Variants in GSTA2 observed in about 807,000 individuals in gnomAD.
GSTA2 encodes glutathione S-transferase A2.
GSTA2 carries 27 observed loss-of-function variants against 22.4 expected under a neutral mutation model. The observed-to-expected ratio is 1.21, with a 90% CI of 0.89 to 1.67. The LOEUF (loss-of-function observed/expected upper bound fraction) is 1.67, where lower values mean the gene tolerates loss of function less well. Ranked by LOEUF, GSTA2 falls within the 40% of genes most tolerant of loss-of-function variation. The pLI is 0.00. For missense variants in GSTA2, 302 were observed against 260.2 expected (o/e 1.16, Z -1.11); for synonymous variants, 121 against 86.8 (o/e 1.39, Z -2.19).
chr6:52,761,759 A>C (rs1305363592), intron 1 of GSTA2, among the ~76,000 whole-genome samples: 1 of 150,492 alleles, frequency 6.6e-6, no homozygotes, highest in Non-Finnish European at 1.5e-5. Flanking sequence ...CAAGGTCTAG[A>C]GACATTTTGG....
At chr6:52,760,495 T>C (rs34728469) in intron 1 of GSTA2, among the ~76,000 whole-genome samples, 1,981 of 152,268 alleles carry the variant, frequency 0.013, 42 homozygotes, top group African/African-American at 0.045. Context: ...GTTTACCTTC[T>C]GCAACAACCC....
chr6:52,759,973 T>C (rs1266731906), intron 1 of GSTA2, among the ~76,000 whole-genome samples: 2 of 152,224 alleles, frequency 1.3e-5, no homozygotes, highest in Non-Finnish European at 2.9e-5. Flanking sequence ...TGGGAGTCAA[T>C]AGTTTAACCT....
Position 52,757,863 on chromosome 6 carries a change from C to G in GSTA2, c.85G>C (p.Glu29Gln). ...AGATGACCTAACTCAGAACCTACCTCTACTCCAGCTGCAGCCAGGAGCCAC... is the reference window on the plus strand; with the variant it reads ...AGATGACCTAACTCAGAACCTACCTGTACTCCAGCTGCAGCCAGGAGCCAC... ...IRWLLAAAGV[E>Q]FEEKFIKSAE... The change falls in exon 2 of 7, where the codon GAG becomes CAG. Residue 29 changes from glutamate (E) to glutamine (Q), a missense_variant and splice_region_variant. Transcript: ENST00000493422. 1 of 1,612,686 alleles carries G rather than the reference C, an allele frequency of 6.2e-7. No homozygotes were observed. The highest frequency in any genetic ancestry group is 8.5e-7 in the Non-Finnish European group (1 of 1,178,752).
chr6:52,752,855 T>G lies in GSTA2; in HGVS notation c.413A>C (p.Lys138Thr). 1 of 1,613,826 alleles carries G rather than the reference T, an allele frequency of 6.2e-7. No homozygotes were observed. Among genetic ancestry groups the G allele is most frequent in the South Asian group, 1.1e-5 (1 of 91,078 alleles). The change falls in exon 5 of 7, where the codon AAA (lysine) becomes ACA (threonine). Residue 138 changes from lysine (K) to threonine (T), a missense_variant and splice_region_variant. Lys to Thr is a moderately conservative substitution (Grantham distance 78). Coordinates refer to ENST00000493422, the MANE Select transcript of GSTA2 (RefSeq NM_000846.5). ...AAAACACTGAACAGCTTCACTTACTTTTTCAAAGGCAGGGAAGTAGCGATT... is the reference window on the plus strand; with the variant it reads ...AAAACACTGAACAGCTTCACTTACTGTTTCAAAGGCAGGGAAGTAGCGATT... ...TKNRYFPAFE[K>T]VLKSHGQDYL...
chr6:52,762,867 AAC>A (rs1762975107), intron 1 of GSTA2, among the ~76,000 whole-genome samples: 1 of 152,202 alleles, frequency 6.6e-6, no homozygotes, highest in African/African-American at 2.4e-5. Flanking sequence ...AGTTCGCAGC[AAC>A]AGTCAGAGCC....
chr6:52,758,855 C>A (rs1234218703), intron 1 of GSTA2, among the ~76,000 whole-genome samples: 2 of 152,184 alleles, frequency 1.3e-5, no homozygotes, highest in Non-Finnish European at 2.9e-5. Flanking sequence ...GATCATTCTT[C>A]TAAACTTCTC....
chr6:52,755,514 A>C (rs1762824361), intron 3 of GSTA2, among the ~76,000 whole-genome samples: 1 of 152,164 alleles, frequency 6.6e-6, no homozygotes, highest in Admixed American at 6.5e-5. Flanking sequence ...CCCAGTCCAA[A>C]CAATATGTTT....
chr6:52,760,543 A>G (rs1324477714), intron 1 of GSTA2, among the ~76,000 whole-genome samples: 1 of 152,196 alleles, frequency 6.6e-6, no homozygotes, highest in East Asian at 1.9e-4. Context: ...AAAGATGGGT[A>G]CACTGAATTT....
chr6:52,750,676 G>T lies in GSTA2; in HGVS notation c.570C>A (p.Asn190Lys). 1 of 1,613,022 alleles carries T rather than the reference G, an allele frequency of 6.2e-7. No homozygotes were observed. Among genetic ancestry groups the T allele is most frequent in the Non-Finnish European group, 8.5e-7 (1 of 1,179,808 alleles). ...GTAGAAACTTCTTCACTGTGGGCAG[G>T]TTACTGATTCTGGTTTTCAGGGCCT... is the stretch of plus-strand genomic sequence containing the variant. ...LLKALKTRIS[N>K]LPTVKKFLQP... Residue 190 changes from asparagine (N) to lysine (K), a missense_variant, in exon 7 of 7, where the codon AAC (asparagine) becomes AAA (lysine). Coordinates refer to ENST00000493422, the MANE Select transcript of GSTA2 (RefSeq NM_000846.5).
intron 1 of GSTA2, among the ~76,000 whole-genome samples, chr6:52,761,052 A>G (rs1762942001): frequency 1.3e-5 from 2 of 152,208 alleles, no homozygotes; most frequent in Non-Finnish European, 2.9e-5. Context: ...GACTCCTTCC[A>G]TTATGAGATT....
In GSTA2 at chr6:52,757,953, C is replaced by A. The variant is rs751630345; in HGVS notation, c.-6G>T. The A allele has an allele frequency of 9.3e-6, 15 of 1,607,366 alleles. No individual in the cohort carries two copies. The highest frequency in any genetic ancestry group is 1.1e-5 in the Non-Finnish European group (13 of 1,174,096). On this transcript the variant is annotated 5_prime_UTR_variant, in exon 2 of 7. Coordinates refer to ENST00000493422, the MANE Select transcript of GSTA2 (RefSeq NM_000846.5). ...AGCTTGGGCTTCTCTGCCATGGTAG[C>A]AGTCTCCTGGAGGTTTCTCTAAGCC...
intron 1 of GSTA2, among the ~76,000 whole-genome samples, chr6:52,762,729 T>G (rs1762972909): frequency 6.6e-6 from 1 of 152,202 alleles, no homozygotes; most frequent in African/African-American, 2.4e-5. Flanking sequence ...TGTGTCTCTT[T>G]CTTTTCTCAG....
intron 4 of GSTA2, among the ~76,000 whole-genome samples, chr6:52,753,834 C>T (rs531912386): frequency 2.6e-5 from 4 of 152,286 alleles, no homozygotes; most frequent in African/African-American, 7.2e-5. Flanking sequence ...TTTTTGTCAC[C>T]TTGATAAGGA....
At chr6:52,750,750 A>T (rs1463620330) in intron 6 of GSTA2, 51 bp from the exon 7 acceptor site, 1 of 1,600,128 alleles carries the variant, frequency 6.2e-7, no homozygotes, top group Non-Finnish European at 8.5e-7. Context: ...AAGGGCTGAC[A>T]CCCCCATTAA....
chr6:52,753,647 C>CA (rs11433269), intron 4 of GSTA2, among the ~76,000 whole-genome samples: 151,952 of 152,354 alleles, frequency 1, 75,775 homozygotes, highest in East Asian at 1. Flanking sequence ...CAGTTACAAC[C>CA]GTGCAAACTT....
rs1762781801 is a variant in GSTA2, at chr6:52,753,422, C to A, written c.273-427G>T. ...CCAAAGACCTGCTTCCTAAGTAATCCTAAGAGAGTCCCTGGCACAGCCATC... is the reference window on the plus strand; with the variant it reads ...CCAAAGACCTGCTTCCTAAGTAATCATAAGAGAGTCCCTGGCACAGCCATC... On this transcript the variant is annotated intron_variant, in intron 4 of 6. Transcript: ENST00000493422. Among the ~76,000 whole-genome samples the A allele has an allele frequency of 2.6e-5, 4 of 152,144 alleles. No homozygotes were observed. The South Asian group carries it at 8.3e-4, about 32-fold the overall frequency.
At chr6:52,760,382 T>C (rs145070851) in intron 1 of GSTA2, among the ~76,000 whole-genome samples, 2,352 of 152,294 alleles carry the variant, frequency 0.015, 64 homozygotes, top group African/African-American at 0.054. Context: ...AAGTTACCAT[T>C]GAGCTTTGTT....
At chr6:52,752,040 G>C (rs1159778576) in intron 5 of GSTA2, among the ~76,000 whole-genome samples, 1 of 152,174 alleles carries the variant, frequency 6.6e-6, no homozygotes, top group Non-Finnish European at 1.5e-5. Context: ...CCTGCAGTGT[G>C]GAGCCCTCAC....
chr6:52,759,554 T>C (rs1762912017), intron 1 of GSTA2, among the ~76,000 whole-genome samples: 1 of 121,452 alleles, frequency 8.2e-6, no homozygotes, highest in Admixed American at 1.0e-4. Flanking sequence ...ACAACTAATG[T>C]ATTTATTTGT....
Sources: allele counts gnomAD v4.1 joint callset (sites outside exome capture counted in the v4.1 genomes callset), GRCh38; gene constraint gnomAD v4.1.1; transcripts MANE v1.5; gene names NCBI Gene and HGNC (gene_info 2026-07-23, HGNC 2026-07-21).